Variants in CHCHD6 observed in about 807,000 individuals in gnomAD.
CHCHD6 encodes the protein coiled-coil-helix-coiled-coil-helix domain containing 6.
Under a neutral mutation model 32.3 loss-of-function variants are expected in CHCHD6, and 28 were observed. The observed-to-expected ratio is 0.87, with a 90% CI of 0.64 to 1.19. The LOEUF is 1.19. Among genes scored for constraint, CHCHD6 ranks in the 50% most tolerant of loss-of-function variants. CHCHD6 has a pLI of 0.00. For missense variants in CHCHD6, 333 were observed against 307.0 expected, an observed-to-expected ratio of 1.08 and a Z score of -0.63; for synonymous variants, 122 against 117.5, an observed-to-expected ratio of 1.04 and a Z score of -0.25.
At chr3:126,829,019 G>A (rs761669369) in intron 4 of CHCHD6, among the ~76,000 whole-genome samples, 1 of 151,810 alleles carries the variant, frequency 6.6e-6, no homozygotes, top group East Asian at 1.9e-4. Context: ...TGCTTACTTC[G>A]GGTTTAATTA....
chr3:126,727,205 T>C lies in CHCHD6; in HGVS notation c.196+19T>C, dbSNP rs369258335. ...CACAAAGGTATGGGGATTGTGACAG[T>C]TCTGTGGAGTGTGGAGAGACAGTGA... On this transcript the variant is annotated intron_variant, in intron 2 of 7. Transcript: ENST00000290913. 1.3e-5 allele frequency: 20 copies of C among 1,537,258 alleles called. No homozygotes were observed. The highest frequency in any genetic ancestry group is 1.7e-4 in the Middle Eastern group (1 of 5,868).
At chr3:126,914,303 C>G (rs775554596) in intron 5 of CHCHD6, among the ~76,000 whole-genome samples, 3 of 152,208 alleles carry the variant, frequency 2.0e-5, no homozygotes, top group Non-Finnish European at 4.4e-5. Flanking sequence ...CATGTAGTCT[C>G]TATCATAGCT....
At chr3:126,849,916 C>T (rs1321405772) in intron 4 of CHCHD6, among the ~76,000 whole-genome samples, 7 of 152,218 alleles carry the variant, frequency 4.6e-5, no homozygotes, top group Non-Finnish European at 8.8e-5. Context: ...TGCTGCGTGG[C>T]CTCTCATGAG....
chr3:126,821,893 A>G (rs1252160222), intron 4 of CHCHD6, among the ~76,000 whole-genome samples: 2 of 152,312 alleles, frequency 1.3e-5, no homozygotes, highest in East Asian at 3.9e-4. Context: ...TGTCTATTCA[A>G]TTCCTTTGCC....
intron 4 of CHCHD6, among the ~76,000 whole-genome samples, chr3:126,804,325 TAAAGAA>T (rs1190752571): frequency 6.6e-6 from 1 of 150,628 alleles, no homozygotes; most frequent in Non-Finnish European, 1.5e-5. Flanking sequence ...GCAAGACTAA[TAAAGAA>T]AAAAAGAGAG....
chr3:126,823,049 G>A (rs1367433717), intron 4 of CHCHD6, among the ~76,000 whole-genome samples: 5 of 152,028 alleles, frequency 3.3e-5, no homozygotes, highest in Non-Finnish European at 5.9e-5. Flanking sequence ...GGGACTACAG[G>A]CACACATCAC....
chr3:126,880,003 C>T (rs1396120567), intron 5 of CHCHD6, among the ~76,000 whole-genome samples: 1 of 152,172 alleles, frequency 6.6e-6, no homozygotes, highest in Non-Finnish European at 1.5e-5. Flanking sequence ...CCCAGACTCT[C>T]CTCCTTAGTG....
At chr3:126,895,097 A>G (rs1167865379) in intron 5 of CHCHD6, among the ~76,000 whole-genome samples, 1 of 152,208 alleles carries the variant, frequency 6.6e-6, no homozygotes, top group Non-Finnish European at 1.5e-5. Flanking sequence ...TTTTCACCTT[A>G]ATAAGATATC....
chr3:126,745,952 A>G (rs894417095), intron 4 of CHCHD6, among the ~76,000 whole-genome samples: 2 of 152,112 alleles, frequency 1.3e-5, no homozygotes, highest in African/African-American at 4.8e-5. Context: ...AGCAGAGTCA[A>G]GTCACTCCCT....
chr3:126,944,290 T>G (rs576777203), intron 6 of CHCHD6, among the ~76,000 whole-genome samples: 1 of 152,384 alleles, frequency 6.6e-6, no homozygotes, highest in South Asian at 2.1e-4. Flanking sequence ...CAGGTCAGAC[T>G]GCACACATCC....
chr3:126,840,523 T>C (rs1941031186), intron 4 of CHCHD6, among the ~76,000 whole-genome samples: 2 of 152,200 alleles, frequency 1.3e-5, no homozygotes. Flanking sequence ...TACTGACATA[T>C]AACATCCCAG....
At chr3:126,896,419 C>T (rs1056818685) in intron 5 of CHCHD6, among the ~76,000 whole-genome samples, 2 of 152,152 alleles carry the variant, frequency 1.3e-5, no homozygotes, top group African/African-American at 2.4e-5. Context: ...CTCTGGTCAG[C>T]TCCTGGCCAG....
At chr3:126,928,676 G>A (rs576338141) in intron 6 of CHCHD6, among the ~76,000 whole-genome samples, 9 of 152,298 alleles carry the variant, frequency 5.9e-5, no homozygotes, top group African/African-American at 1.7e-4. Context: ...CAGTCTCCCT[G>A]GGAAGCGGAG....
At chr3:126,754,186 G>A (rs1486823842) in intron 4 of CHCHD6, among the ~76,000 whole-genome samples, 1 of 152,204 alleles carries the variant, frequency 6.6e-6, no homozygotes, top group Non-Finnish European at 1.5e-5. Context: ...AATCTCATCT[G>A]TGTTACTGAA....
chr3:126,719,668 C>T (rs1411623560), intron 1 of CHCHD6, among the ~76,000 whole-genome samples: 1 of 152,174 alleles, frequency 6.6e-6, no homozygotes, highest in Admixed American at 6.5e-5. Context: ...TACTGGGTAT[C>T]GTTTCTCACC....
chr3:126,912,840 C>T (rs1391559495), intron 5 of CHCHD6, among the ~76,000 whole-genome samples: 1 of 152,234 alleles, frequency 6.6e-6, no homozygotes, highest in East Asian at 1.9e-4. Context: ...GGCCTGGTTT[C>T]CATCTGGACC....
intron 4 of CHCHD6, among the ~76,000 whole-genome samples, chr3:126,744,804 C>T (rs1936424289): frequency 6.6e-6 from 1 of 152,202 alleles, no homozygotes; most frequent in Admixed American, 6.5e-5. Context: ...TCTCCTGCCT[C>T]AGCCTCCCCA....
intron 4 of CHCHD6, among the ~76,000 whole-genome samples, chr3:126,792,662 A>G (rs1247825614): frequency 6.6e-6 from 1 of 152,146 alleles, no homozygotes; most frequent in Non-Finnish European, 1.5e-5. Flanking sequence ...TGTTCATTTT[A>G]TGAGCTAGGA....
At chr3:126,856,784 A>G (rs1003749353) in intron 5 of CHCHD6, among the ~76,000 whole-genome samples, 1 of 152,126 alleles carries the variant, frequency 6.6e-6, no homozygotes, top group Non-Finnish European at 1.5e-5. Context: ...TCTTCAGTCA[A>G]CCATGGAGCT....
Sources: gnomAD v4.1 joint callset for allele counts (sites outside exome capture counted in the v4.1 genomes callset) on GRCh38, gnomAD v4.1.1 for gene constraint, MANE v1.5 for transcripts, NCBI Gene and HGNC (gene_info 2026-07-23, HGNC 2026-07-21) for gene names.